The following WDR72 variants were observed in gnomAD, a reference collection of about 807,000 sequenced individuals.
The protein encoded by WDR72 is WD repeat domain 72.
In WDR72, 120 loss-of-function variants were observed where a neutral mutation model predicts 124.2. The observed-to-expected ratio is 0.97, with a 90% CI of 0.83 to 1.12. WDR72 has a LOEUF of 1.12. Among genes scored for constraint, WDR72 ranks in the 50% most tolerant of loss-of-function variants. The pLI is 0.00. For missense variants in WDR72, 1,387 were observed against 1,278.8 expected, an observed-to-expected ratio of 1.08 and a Z score of -1.29; for synonymous variants, 452 against 441.7, an observed-to-expected ratio of 1.02 and a Z score of -0.29.
Position 53,743,992 on chromosome 15 carries a change from T to A in WDR72, c.-12-10831A>T, listed in dbSNP as rs918652196. Among the ~76,000 whole-genome samples, 27 of 148,160 alleles carry A rather than the reference T, an allele frequency of 1.8e-4. 1 individual carries two copies. In the Middle Eastern group the frequency reaches 0.014, roughly 76 times the overall value. On this transcript the variant is annotated intron_variant, in intron 1 of 19. Transcript: ENST00000360509. ...TCGTCTCAAAAAAAAAAAAAAAAAATTTATCAAATGAATCTTCTCTTCAGA... is the reference window on the plus strand; with the variant it reads ...TCGTCTCAAAAAAAAAAAAAAAAAAATTATCAAATGAATCTTCTCTTCAGA...
intron 14 of WDR72, among the ~76,000 whole-genome samples, chr15:53,647,023 TC>T (rs2015066426): frequency 6.6e-6 from 1 of 152,076 alleles, no homozygotes; most frequent in Non-Finnish European, 1.5e-5. Context: ...ACACTATTAG[TC>T]CTATGGCAGA....
chr15:53,697,965 T>G (rs1283664961), intron 13 of WDR72, among the ~76,000 whole-genome samples: 1 of 152,264 alleles, frequency 6.6e-6, no homozygotes, highest in East Asian at 1.9e-4. Flanking sequence ...CCCGCCACCA[T>G]GCCCGGCTAA....
intron 2 of WDR72, among the ~76,000 whole-genome samples, chr15:53,727,730 A>G (rs1387362109): frequency 6.6e-6 from 1 of 152,214 alleles, no homozygotes; most frequent in Non-Finnish European, 1.5e-5. Context: ...CCATGGACAA[A>G]ATATCAGAAC....
At chr15:53,759,985 C>T (rs1392625901), upstream of WDR72, among the ~76,000 whole-genome samples, 1 of 149,656 alleles carries the variant, frequency 6.7e-6, no homozygotes, top group Non-Finnish European at 1.5e-5. Flanking sequence ...GAACTCTTGA[C>T]CCTAGGCATT....
intron 18 of WDR72, among the ~76,000 whole-genome samples, chr15:53,559,095 C>T (rs115612375): frequency 1.6e-4 from 25 of 152,018 alleles, no homozygotes; most frequent in African/African-American, 4.1e-4. Flanking sequence ...CCAAAAGCAA[C>T]GCCAACGTTA....
At chr15:53,718,794 T>A (rs1301027840) in intron 3 of WDR72, among the ~76,000 whole-genome samples, 1 of 74,264 alleles carries the variant, frequency 1.3e-5, no homozygotes, top group East Asian at 2.4e-4. Flanking sequence ...TTAAGATTTT[T>A]AAAAATTTTA....
At chr15:53,578,717 G>A (rs2011752207) in intron 18 of WDR72, among the ~76,000 whole-genome samples, 1 of 151,618 alleles carries the variant, frequency 6.6e-6, no homozygotes, top group Non-Finnish European at 1.5e-5. Flanking sequence ...GAAGCCATAT[G>A]TGCTTAAATA....
upstream of WDR72, among the ~76,000 whole-genome samples, chr15:53,761,386 A>C (rs1369929711): frequency 6.6e-6 from 1 of 152,222 alleles, no homozygotes; most frequent in African/African-American, 2.4e-5. Context: ...AAATAAGTAC[A>C]ACCACTATGG....
At chr15:53,534,230 A>G (rs577934469) in intron 18 of WDR72, among the ~76,000 whole-genome samples, 2 of 152,276 alleles carry the variant, frequency 1.3e-5, no homozygotes, top group Admixed American at 1.3e-4. Flanking sequence ...GCTAACTTCC[A>G]GGTAGTGATG....
At position 53,615,665 on chromosome 15, in the gene WDR72, A is replaced by T; in HGVS notation, c.2541T>A (p.Asp847Glu). The T allele has an allele frequency of 6.2e-7, 1 of 1,611,800 alleles. No individual in the cohort carries two copies. The highest frequency in any genetic ancestry group is 1.1e-5 in the South Asian group (1 of 90,840). ...DNFSLMLPGW[D>E]LCNSGMIKDY... ...CTTTTATCATTCCACTATTGCATAA[A>T]TCCCAACCTGGCAACATCAGTGAGA... Residue 847 changes from aspartate to glutamate, a missense_variant, in exon 15 of 20, where the codon GAT becomes GAA. Coordinates refer to ENST00000360509, the MANE Select transcript of WDR72 (RefSeq NM_182758.4).
Position 53,699,930 on chromosome 15 carries a change from T to C in WDR72, c.1585A>G (p.Ile529Val), listed in dbSNP as rs2017118219. The change falls in exon 13 of 20, where the codon ATA becomes GTA. Residue 529 changes from isoleucine to valine, a missense_variant. By Grantham distance (29) the Ile-to-Val change is conservative (BLOSUM62 3). Coordinates refer to ENST00000360509, the MANE Select transcript of WDR72 (RefSeq NM_182758.4). Reference sequence around the variant, plus strand: ...TGGTCACCGCACACACAGCAAATTATCTGCTCACCCCTTAGCTGTGAAAAA... The same window carrying C: ...TGGTCACCGCACACACAGCAAATTACCTGCTCACCCCTTAGCTGTGAAAAA... ...PEKFKLRGEQ[I>V]ICCVCGDHSV... is the part of the protein sequence containing the mutation. 1 of 1,614,078 alleles carries C rather than the reference T, an allele frequency of 6.2e-7. No individual in the cohort carries two copies. The highest frequency in any genetic ancestry group is 1.3e-5 in the African/African-American group (1 of 74,930).
In WDR72 at chr15:53,706,117, G is replaced by T. The variant is rs690235; in HGVS notation, c.955-43C>A. The T allele has an allele frequency of 0.99, 1,596,111 of 1,609,374 alleles. 792,338 individuals are homozygous for T. Among genetic ancestry groups the T allele is most frequent in the East Asian group, 1 (44,786 of 44,786 alleles). The stretch of plus-strand genomic sequence containing the variant: ...TTTTATGTAGGAAATATTCTAACTA[G>T]AGAGAGATGGCCACTGTTTTTAAAT... On this transcript the variant is annotated intron_variant, in intron 9 of 19. Transcript: ENST00000360509.
chr15:53,654,307 A>C (rs1487950957), intron 14 of WDR72, among the ~76,000 whole-genome samples: 1 of 152,228 alleles, frequency 6.6e-6, no homozygotes, highest in Non-Finnish European at 1.5e-5. Context: ...GTCCCATTAT[A>C]CTTCATGATT....
chr15:53,519,167 C>T (rs1307996530), intron 19 of WDR72, among the ~76,000 whole-genome samples: 1 of 152,034 alleles, frequency 6.6e-6, no homozygotes, highest in Non-Finnish European at 1.5e-5. Flanking sequence ...TTGTGAATGT[C>T]ACACTAAATT....
intron 18 of WDR72, among the ~76,000 whole-genome samples, chr15:53,577,379 A>G (rs1184584194): frequency 6.6e-6 from 1 of 152,132 alleles, no homozygotes; most frequent in Non-Finnish European, 1.5e-5. Flanking sequence ...ACCATCAGAA[A>G]ATAATGTCTT....
chr15:53,715,121 T>C (rs147170894), intron 5 of WDR72, 72 bp downstream of exon 5: 18 of 1,531,918 alleles, frequency 1.2e-5, no homozygotes, highest in African/African-American at 9.7e-5. Context: ...TGCCCAATAA[T>C]TTGACAAATA....
intron 1 of WDR72, among the ~76,000 whole-genome samples, chr15:53,755,178 T>A (rs971478668): frequency 6.6e-6 from 1 of 152,208 alleles, no homozygotes; most frequent in African/African-American, 2.4e-5. Context: ...ATCTCTGTGA[T>A]CTCACTGGAA....
chr15:53,644,590 G>T (rs984761603), intron 14 of WDR72, among the ~76,000 whole-genome samples: 1 of 151,248 alleles, frequency 6.6e-6, no homozygotes, highest in Non-Finnish European at 1.5e-5. Context: ...TGAAAAATCT[G>T]GAAACCATTG....
At chr15:53,702,084 A>G in intron 12 of WDR72, 50 bp downstream of exon 12, 3 of 1,387,188 alleles carry the variant, frequency 2.2e-6, no homozygotes, top group Non-Finnish European at 3.0e-6. Context: ...AGTATTCTAT[A>G]ATTTATATAA....
Sources: allele counts gnomAD v4.1 joint callset (sites outside exome capture counted in the v4.1 genomes callset), GRCh38; gene constraint gnomAD v4.1.1; transcripts MANE v1.5; gene names NCBI Gene and HGNC (gene_info 2026-07-23, HGNC 2026-07-21).